Variants in CEP164 observed in about 807,000 individuals in gnomAD.
CEP164 encodes the protein centrosomal protein of 164 kDa.
In CEP164, 162 loss-of-function variants were observed where a neutral mutation model predicts 182.7. The ratio of observed to expected loss-of-function variants is 0.89; its 90% CI spans 0.78 to 1.01. The LOEUF (loss-of-function observed/expected upper bound fraction) is 1.01. CEP164 is among the 50% of genes least tolerant of loss of function. The pLI, the probability that CEP164 is intolerant of heterozygous loss-of-function variation, is 0.00. For synonymous variants in CEP164, 661 were observed against 690.0 expected, an observed-to-expected ratio of 0.96 and a Z score of 0.66; for missense variants, 1,735 against 1,790.4, an observed-to-expected ratio of 0.97 and a Z score of 0.56.
In CEP164 at chr11:117,338,644, G is replaced by A; in HGVS notation, c.58G>A (p.Glu20Lys). The A allele has an allele frequency of 1.2e-6, 2 of 1,613,970 alleles. No homozygotes were observed. Among genetic ancestry groups the A allele is most frequent in the Non-Finnish European group, 1.7e-6 (2 of 1,179,844 alleles). ...DQLVLEEDYD[E>K]TYIPSEQEIL... ...GCTGGTTCTGGAAGAAGATTATGATGAGACCTACATTCCTAGTGAGCAAGG... is the reference window on the plus strand; with the variant it reads ...GCTGGTTCTGGAAGAAGATTATGATAAGACCTACATTCCTAGTGAGCAAGG... Residue 20 changes from glutamate to lysine, a missense_variant, in exon 3 of 33, where the codon GAG becomes AAG. Coordinates refer to ENST00000278935, the MANE Select transcript of CEP164 (RefSeq NM_014956.5).
In CEP164 at chr11:117,393,486, C is replaced by T. The variant is rs544246129; in HGVS notation, c.2616+360C>T. On this transcript the variant is annotated intron_variant, in intron 20 of 32. Transcript: ENST00000278935. ...CCAAGAACTGTTCTGAGCTCTTTAT[C>T]TATTTTAACTCATTTAGTCCTCACA... 1.8e-3 allele frequency among the ~76,000 whole-genome samples: 279 copies of T among 152,306 alleles called. 9 individuals carry two copies. The South Asian group carries it at 0.053, about 29-fold the overall frequency.
rs1474346753 is a variant in CEP164, at chr11:117,396,532, T to C, written c.3217-18T>C. 8 of 1,610,838 alleles carry C rather than the reference T, an allele frequency of 5.0e-6. No homozygotes were observed. Among genetic ancestry groups the C allele is most frequent in the Non-Finnish European group, 5.9e-6 (7 of 1,177,076 alleles). ...GCTTTTGCTACACTCAGTGGACTTT[T>C]CTACCATGTGTCCCTAGAACCAGAC... On this transcript the variant is annotated intron_variant, in intron 25 of 32. Coordinates refer to ENST00000278935, the MANE Select transcript of CEP164 (RefSeq NM_014956.5).
At chr11:117,334,766 C>T (rs999911672) in intron 1 of CEP164, among the ~76,000 whole-genome samples, 3 of 120,306 alleles carry the variant, frequency 2.5e-5, no homozygotes, top group African/African-American at 9.8e-5. Context: ...GCCTGGGTGA[C>T]AGACTGAGAC....
In CEP164 at chr11:117,382,962, G is replaced by T. The variant is rs1427680578; in HGVS notation, c.1724+20G>T. 1.6e-5 allele frequency: 25 copies of T among 1,608,328 alleles called. No individual in the cohort carries two copies. In the East Asian group the frequency reaches 5.6e-4, roughly 36 times the overall value. ...AGAGGTGTAAGGGCCAGTTTTGTGT[G>T]TCTGTCCCTGACCTCCACTGCGTGT... is the stretch of plus-strand genomic sequence containing the variant. On this transcript the variant is annotated intron_variant, in intron 14 of 32. Transcript: ENST00000278935.
In CEP164 at chr11:117,338,606, G is replaced by A. The variant is rs1413886061; in HGVS notation, c.20G>A (p.Arg7His). 17 of 1,613,956 alleles carry A rather than the reference G, an allele frequency of 1.1e-5. No homozygotes were observed. The highest frequency in any genetic ancestry group is 1.6e-4 in the Middle Eastern group (1 of 6,082). Residue 7 changes from arginine (R) to histidine (H), a missense_variant, in exon 3 of 33, where the codon CGC becomes CAC. Coordinates refer to ENST00000278935, the MANE Select transcript of CEP164 (RefSeq NM_014956.5). Reference sequence around the variant, plus strand: ...TGAGTCATGGCTGGACGACCCCTCCGCATAGGAGATCAGCTGGTTCTGGAA... The same window carrying A: ...TGAGTCATGGCTGGACGACCCCTCCACATAGGAGATCAGCTGGTTCTGGAA... MAGRPL[R>H]IGDQLVLEED...
chr11:117,399,418 A>G (rs1034500770), intron 27 of CEP164, among the ~76,000 whole-genome samples: 7 of 152,122 alleles, frequency 4.6e-5, no homozygotes, highest in Non-Finnish European at 1.0e-4. Flanking sequence ...AGTCTTTGCT[A>G]TTGTGAACAG....
At chr11:117,370,985 G>T in intron 8 of CEP164, 95 bp from the exon 9 acceptor site, 24 of 1,308,904 alleles carry the variant, frequency 1.8e-5, no homozygotes, top group Non-Finnish European at 2.5e-5. Flanking sequence ...TGGCCTGTGG[G>T]AGTCAGGGAA....
At chr11:117,388,100 G>C (rs1160547452) in intron 15 of CEP164, among the ~76,000 whole-genome samples, 2 of 152,314 alleles carry the variant, frequency 1.3e-5, no homozygotes, top group East Asian at 3.9e-4. Flanking sequence ...AATTGGGGCA[G>C]GGGCCCACCC....
Position 117,397,121 on chromosome 11 carries a change from C to G in CEP164, c.3309C>G (p.Leu1103=). ...CCTCCCACAATGTCTGGCACCTCCTCTCTGCTGAGGGGGTAGCCCTCCGTA... is the reference window on the plus strand; with the variant it reads ...CCTCCCACAATGTCTGGCACCTCCTGTCTGCTGAGGGGGTAGCCCTCCGTA... ...SLSSHNVWHL[L]SAEGVALRSA... The change falls in exon 27 of 33, where the codon CTC becomes CTG. Residue 1103 remains leucine (L), a synonymous_variant. Coordinates refer to ENST00000278935, the MANE Select transcript of CEP164 (RefSeq NM_014956.5). 1.2e-6 allele frequency: 2 copies of G among 1,614,182 alleles called. No homozygotes were observed. The highest frequency in any genetic ancestry group is 1.7e-6 in the Non-Finnish European group (2 of 1,180,006).
At chr11:117,355,999 G>A (rs904827064) in intron 5 of CEP164, 60 of 1,122,628 alleles carry the variant, frequency 5.3e-5, no homozygotes, top group Non-Finnish European at 6.3e-5. Context: ...CTGACTTGGA[G>A]AGCAGCAGCA....
Position 117,371,309 on chromosome 11 carries a change from C to T in CEP164, c.995C>T (p.Ala332Val). Residue 332 changes from alanine to valine, a missense_variant, in exon 9 of 33, where the codon GCA becomes GTA. Physicochemically the swap from Ala to Val is moderately conservative, Grantham distance 64 (BLOSUM62 0). Transcript: ENST00000278935. ...TGCAGGAATCTGGTGACCCCCAAGGCAGACCCTACAGGCAGTGAGCCTGCC... is the reference window on the plus strand; with the variant it reads ...TGCAGGAATCTGGTGACCCCCAAGGTAGACCCTACAGGCAGTGAGCCTGCC... Reference protein sequence around the residue: ...KICRNLVTPKADPTGSEPAKA... With the variant: ...KICRNLVTPKVDPTGSEPAKA... The T allele has an allele frequency of 6.2e-7, 1 of 1,614,210 alleles. No individual in the cohort carries two copies. The highest frequency in any genetic ancestry group is 8.5e-7 in the Non-Finnish European group (1 of 1,180,044).
intron 5 of CEP164, among the ~76,000 whole-genome samples, chr11:117,360,562 G>C (rs2040815437): frequency 6.6e-6 from 1 of 152,028 alleles, no homozygotes; most frequent in Admixed American, 6.6e-5. Flanking sequence ...CTGTAGAAAT[G>C]GGGTCTTGCT....
chr11:117,378,116 G>A (rs11216370), intron 11 of CEP164, among the ~76,000 whole-genome samples: 28,984 of 151,814 alleles, frequency 0.19, 3,494 homozygotes, highest in Middle Eastern at 0.29. Context: ...TGATCTGCCC[G>A]CCTTGGCCCC....
chr11:117,352,186 A>G (rs2039722770), intron 5 of CEP164, among the ~76,000 whole-genome samples, 198 bp downstream of exon 5: 1 of 152,052 alleles, frequency 6.6e-6, no homozygotes, highest in South Asian at 2.1e-4. Flanking sequence ...AGTTGTTGCC[A>G]TGTCTACACA....
chr11:117,353,565 T>C (rs1026202011), intron 5 of CEP164, among the ~76,000 whole-genome samples: 2 of 152,194 alleles, frequency 1.3e-5, no homozygotes, highest in South Asian at 2.1e-4. Flanking sequence ...AGATGTGTGA[T>C]TGGATTCTTA....
At chr11:117,400,071 C>T (rs2045959244) in intron 27 of CEP164, among the ~76,000 whole-genome samples, 1 of 152,114 alleles carries the variant, frequency 6.6e-6, no homozygotes, top group African/African-American at 2.4e-5. Context: ...ATGCCTATAT[C>T]CTGAATGGTA....
chr11:117,392,182 A>C (rs770950138), intron 17 of CEP164, 44 bp from the exon 18 acceptor site: 5 of 1,494,746 alleles, frequency 3.3e-6, no homozygotes, highest in Non-Finnish European at 4.5e-6. Context: ...CACCATGATC[A>C]GTACCTGGCC....
intron 14 of CEP164, among the ~76,000 whole-genome samples, chr11:117,383,684 G>A (rs778448173): frequency 2.6e-5 from 4 of 152,164 alleles, no homozygotes; most frequent in Non-Finnish European, 5.9e-5. Context: ...AGGAAACTGA[G>A]GCTCAGAGAA....
intron 5 of CEP164, 98 bp from the exon 6 acceptor site, chr11:117,361,737 G>C (rs2040999515): frequency 8.0e-7 from 1 of 1,255,876 alleles, no homozygotes; most frequent in Non-Finnish European, 1.2e-6. Flanking sequence ...TTAAATTTGA[G>C]CGTGCAGGAT....
Sources: gnomAD v4.1 joint callset for allele counts (sites outside exome capture counted in the v4.1 genomes callset) on GRCh38, gnomAD v4.1.1 for gene constraint, MANE v1.5 for transcripts, NCBI Gene and HGNC (gene_info 2026-07-23, HGNC 2026-07-21) for gene names.